The following SRGAP2C variants were observed in gnomAD, a reference collection of about 807,000 sequenced individuals.
The protein encoded by SRGAP2C is SLIT-ROBO Rho GTPase activating protein 2C, also known as SLIT-ROBO Rho GTPase-activating protein 2C.
A neutral mutation model predicts 25.1 loss-of-function variants in SRGAP2C; 15 were observed. That is an observed-to-expected ratio of 0.60 (90% confidence interval 0.40 to 0.92). SRGAP2C has a LOEUF of 0.92. Ranked by LOEUF, SRGAP2C falls within the 40% of genes least tolerant of loss-of-function variation. SRGAP2C has a pLI of 0.00. For missense variants in SRGAP2C, 144 were observed against 264.4 expected, an observed-to-expected ratio of 0.54 and a Z score of 3.16; for synonymous variants, 44 against 96.6, an observed-to-expected ratio of 0.46 and a Z score of 3.19.
chr1:121,304,889 G>A (rs1553339280), intron 3 of SRGAP2C, among the ~76,000 whole-genome samples: 11 of 151,782 alleles, frequency 7.2e-5, no homozygotes, highest in Admixed American at 3.3e-4. Context: ...TTTCCTCTCC[G>A]GAATGGGGTC....
intron 3 of SRGAP2C, among the ~76,000 whole-genome samples, chr1:121,289,204 G>A (rs1228654545): frequency 1.3e-4 from 20 of 150,102 alleles, no homozygotes; most frequent in Non-Finnish European, 2.7e-4. Flanking sequence ...CATGGAGTGG[G>A]TGGGAGGCTC....
At chr1:121,286,759 C>T (rs1343275467) in intron 3 of SRGAP2C, among the ~76,000 whole-genome samples, 110 of 151,390 alleles carry the variant, frequency 7.3e-4, no homozygotes, top group African/African-American at 2.3e-3. Flanking sequence ...CTTTAAGCCC[C>T]TCTACATCTG....
intron 3 of SRGAP2C, among the ~76,000 whole-genome samples, chr1:121,309,367 G>A (rs1256995325): frequency 7.1e-6 from 1 of 141,384 alleles, no homozygotes; most frequent in Non-Finnish European, 1.5e-5. Context: ...GAACCAACTG[G>A]TAAACTGCTG....
rs1553337990 is a variant in SRGAP2C at position 121,293,752 on chromosome 1, C to T, written c.260+8757C>T. Among the ~76,000 whole-genome samples the T allele has an allele frequency of 7.0e-5, 10 of 142,192 alleles. No individual in the cohort carries two copies. In the South Asian group the frequency reaches 2.0e-3, roughly 28 times the overall value. The allele number at this position is 142,192 out of a possible 152,430, so 93.3% of individuals were successfully genotyped here. ...CTCAGTGGGCACTCATCACCTCCCC[C>T]GGAGCTGTAGCAGCTGTTGGGCTAG... On this transcript the variant is annotated intron_variant, in intron 3 of 9. Coordinates refer to ENST00000367123, the MANE Select transcript of SRGAP2C (RefSeq NM_001329984.2).
At chr1:121,266,393 C>A (rs1482601039) in intron 2 of SRGAP2C, among the ~76,000 whole-genome samples, 3 of 151,382 alleles carry the variant, frequency 2.0e-5, no homozygotes, top group Non-Finnish European at 4.4e-5. Context: ...GTGGTGGTTG[C>A]AAAACCACCA....
Position 121,263,664 on chromosome 1 carries a change from T to C in SRGAP2C, c.68-21139T>C, listed in dbSNP as rs1256322209. 4.0e-5 allele frequency among the ~76,000 whole-genome samples: 6 copies of C among 151,836 alleles called. 1 individual carries two copies. The highest frequency in any genetic ancestry group is 8.8e-5 in the Non-Finnish European group (6 of 67,898). ...TTGTCAGCTGCATCCAACCTAAGCC[T>C]AGAACCAGATTGAATCAAATGCTAA... On this transcript the variant is annotated intron_variant, in intron 2 of 9. Coordinates refer to ENST00000367123, the MANE Select transcript of SRGAP2C (RefSeq NM_001329984.2).
chr1:121,195,656 C>G, intron 2 of SRGAP2C, among the ~76,000 whole-genome samples: 1 of 140,964 alleles, frequency 7.1e-6, no homozygotes, highest in South Asian at 2.3e-4. Flanking sequence ...CTGACTGCAA[C>G]CTATTGTTTC....
In SRGAP2C at chr1:121,368,653, T is replaced by C. The variant is rs587677574; in HGVS notation, c.486+3298T>C. On this transcript the variant is annotated intron_variant, in intron 5 of 9. Coordinates refer to ENST00000367123, the MANE Select transcript of SRGAP2C (RefSeq NM_001329984.2). ...TTTATCAGGTGGGAAGCTGGGACTG[T>C]TACATGCTAGCTTTGGGAAGCTGCT... Among the ~76,000 whole-genome samples the C allele has an allele frequency of 4.3e-3, 637 of 149,272 alleles. 4 individuals carry two copies. The highest frequency in any genetic ancestry group is 6.4e-3 in the Non-Finnish European group (432 of 67,424).
rs587702362 is a variant in SRGAP2C, at chr1:121,260,540, A to G, written c.68-24263A>G. 4.0e-5 allele frequency among the ~76,000 whole-genome samples: 6 copies of G among 151,400 alleles called. 1 individual carries two copies. Among genetic ancestry groups the G allele is most frequent in the African/African-American group, 1.5e-4 (6 of 41,334 alleles). On this transcript the variant is annotated intron_variant, in intron 2 of 9. Transcript: ENST00000367123. ...GTTGGCTTTTATTCTGTAAATATCT[A>G]TATCTACATCAATTATATCTCTCAG...
intron 4 of SRGAP2C, among the ~76,000 whole-genome samples, chr1:121,331,945 A>G (rs1266724079): frequency 2.6e-5 from 4 of 151,478 alleles, no homozygotes; most frequent in African/African-American, 9.7e-5. Context: ...CTGCTAAGGG[A>G]CACAAGGGAG....
intron 4 of SRGAP2C, among the ~76,000 whole-genome samples, chr1:121,359,829 G>T (rs587736171): frequency 1.3e-5 from 2 of 152,374 alleles, no homozygotes; most frequent in African/African-American, 4.8e-5. Context: ...AAATATCATA[G>T]TGGACAGCAC....
intron 2 of SRGAP2C, among the ~76,000 whole-genome samples, chr1:121,257,968 G>C (rs1292482508): frequency 1.4e-5 from 2 of 144,138 alleles, no homozygotes; most frequent in African/African-American, 5.0e-5. Flanking sequence ...GTGGGGTGGG[G>C]GGGTGGGGTA....
chr1:121,191,943 C>T lies in SRGAP2C; in HGVS notation c.67+4430C>T, dbSNP rs587594899. On this transcript the variant is annotated intron_variant, in intron 2 of 9. Coordinates refer to ENST00000367123, the MANE Select transcript of SRGAP2C (RefSeq NM_001329984.2). ...GTCTTAAGAGAACAGTGTGTGTGCACCACAGAGCTGGAAGCGAAATTTTGT... is the reference window on the plus strand; with the variant it reads ...GTCTTAAGAGAACAGTGTGTGTGCATCACAGAGCTGGAAGCGAAATTTTGT... Among the ~76,000 whole-genome samples the T allele has an allele frequency of 1.8e-4, 27 of 148,596 alleles. No homozygotes were observed. The South Asian group carries it at 5.6e-3, about 31-fold the overall frequency.
At chr1:121,271,447 A>C (rs1316765048) in intron 2 of SRGAP2C, among the ~76,000 whole-genome samples, 1 of 151,568 alleles carries the variant, frequency 6.6e-6, no homozygotes, top group Non-Finnish European at 1.5e-5. Context: ...GCAAAGGAGG[A>C]GGATACGGAA....
intron 4 of SRGAP2C, among the ~76,000 whole-genome samples, chr1:121,350,438 G>A (rs1188377401): frequency 2.0e-5 from 3 of 149,362 alleles, no homozygotes; most frequent in Non-Finnish European, 4.4e-5. Context: ...AGGCCTATGA[G>A]GAAATAAGAA....
chr1:121,340,754 C>T, intron 4 of SRGAP2C, among the ~76,000 whole-genome samples: 1 of 151,508 alleles, frequency 6.6e-6, no homozygotes, highest in South Asian at 2.1e-4. Context: ...CTCAATTAGC[C>T]ATCTGTTTCT....
intron 3 of SRGAP2C, among the ~76,000 whole-genome samples, chr1:121,305,849 C>T (rs1466548923): frequency 6.1e-5 from 9 of 146,698 alleles, no homozygotes; most frequent in Non-Finnish European, 9.0e-5. Context: ...CCTGTCCCCC[C>T]ATTATACCTT....
chr1:121,377,230 G>A (rs1424244805), intron 7 of SRGAP2C, among the ~76,000 whole-genome samples: 2 of 124,076 alleles, frequency 1.6e-5, no homozygotes, highest in Non-Finnish European at 1.7e-5. Flanking sequence ...GGATCAAAAG[G>A]CTACATAGGT....
At chr1:121,257,956 G>A (rs1394145407) in intron 2 of SRGAP2C, among the ~76,000 whole-genome samples, 5 of 144,492 alleles carry the variant, frequency 3.5e-5, no homozygotes, top group Non-Finnish European at 6.1e-5. Context: ...TTGTTTTTGT[G>A]TGTGGGGTGG....
Sources: gnomAD v4.1 joint callset for allele counts (sites outside exome capture counted in the v4.1 genomes callset) on GRCh38, gnomAD v4.1.1 for gene constraint, MANE v1.5 for transcripts, NCBI Gene and HGNC (gene_info 2026-07-23, HGNC 2026-07-21) for gene names.